The following PIK3CB variants were observed in gnomAD, a reference collection of about 807,000 sequenced individuals.
PIK3CB encodes phosphatidylinositol-4,5-bisphosphate 3-kinase catalytic subunit beta, also known as phosphatidylinositol 4,5-bisphosphate 3-kinase catalytic subunit beta isoform.
Under a neutral mutation model 136.8 loss-of-function variants are expected in PIK3CB, and 39 were observed. That is an observed-to-expected ratio of 0.29 (90% CI 0.22 to 0.37). PIK3CB has a LOEUF of 0.37. Ranked by LOEUF, PIK3CB falls within the 10% of genes least tolerant of loss-of-function variation. The probability of loss-of-function intolerance (pLI) is 1.00; values close to 1 mark genes in which losing one functional copy is unlikely to be tolerated. For synonymous variants in PIK3CB, 428 were observed against 436.6 expected (o/e 0.98, Z 0.25); for missense variants, 868 against 1,275.4 (o/e 0.68, Z 4.87).
chr3:138,661,745 G>A (rs1422136621), intron 21 of PIK3CB, among the ~76,000 whole-genome samples: 2 of 152,116 alleles, frequency 1.3e-5, no homozygotes, highest in Admixed American at 6.5e-5. Flanking sequence ...GATTTCCAAG[G>A]AGATACAAAA....
intron 1 of PIK3CB, among the ~76,000 whole-genome samples, chr3:138,816,911 T>C (rs766054946): frequency 3.3e-5 from 5 of 152,018 alleles, no homozygotes; most frequent in African/African-American, 4.8e-5. Context: ...CTTAAAAGTA[T>C]AGTAATTGGC....
chr3:138,675,145 CAG>C (rs746810517), intron 19 of PIK3CB, among the ~76,000 whole-genome samples: 1 of 149,516 alleles, frequency 6.7e-6, no homozygotes, highest in Non-Finnish European at 1.5e-5. Flanking sequence ...ATGAATCAAA[CAG>C]AAATTCCAGA....
chr3:138,803,181 T>C (rs1185242554), intron 1 of PIK3CB, among the ~76,000 whole-genome samples: 1 of 152,118 alleles, frequency 6.6e-6, no homozygotes, highest in Non-Finnish European at 1.5e-5. Context: ...ATAAAAAGTA[T>C]CCACCTCTGC....
chr3:138,677,827 G>A (rs1334983929), intron 19 of PIK3CB, among the ~76,000 whole-genome samples: 4 of 152,044 alleles, frequency 2.6e-5, no homozygotes, highest in Admixed American at 6.6e-5. Flanking sequence ...CCTGGGAGGC[G>A]GAGGTTGCAG....
chr3:138,705,402 A>G (rs2044359928), intron 11 of PIK3CB, among the ~76,000 whole-genome samples: 2 of 151,966 alleles, frequency 1.3e-5, no homozygotes, highest in Non-Finnish European at 1.5e-5. Flanking sequence ...GACACTACAT[A>G]AACGTATTGG....
chr3:138,661,145 T>G (rs1273590939), intron 21 of PIK3CB, among the ~76,000 whole-genome samples: 2 of 152,220 alleles, frequency 1.3e-5, no homozygotes, highest in Non-Finnish European at 2.9e-5. Context: ...CCATCTCCAT[T>G]TTTAATATGG....
chr3:138,690,943 CT>C, intron 15 of PIK3CB, 56 bp downstream of exon 15: 3 of 1,332,072 alleles, frequency 2.3e-6, no homozygotes, highest in Non-Finnish European at 3.1e-6. Flanking sequence ...ATATATTATG[CT>C]TGTTTATAGT....
At chr3:138,828,175 T>C (rs1301159518) in intron 1 of PIK3CB, among the ~76,000 whole-genome samples, 3 of 151,222 alleles carry the variant, frequency 2.0e-5, no homozygotes, top group Non-Finnish European at 4.4e-5. Context: ...TCAACAGTAA[T>C]TAAATTTCCT....
intron 4 of PIK3CB, among the ~76,000 whole-genome samples, chr3:138,747,188 G>A (rs181097215): frequency 4.8e-4 from 69 of 144,418 alleles, no homozygotes; most frequent in African/African-American, 1.6e-3. Context: ...GCCTCAGCCT[G>A]TGCACCCAGC....
In PIK3CB at chr3:138,803,295, G is replaced by A. The variant is rs1453302034; in HGVS notation, c.-121-6728C>T. Among the ~76,000 whole-genome samples, 3 of 152,236 alleles carry A rather than the reference G, an allele frequency of 2.0e-5. No homozygotes were observed. The East Asian group carries it at 5.8e-4, about 29-fold the overall frequency. ...GATGACTAAGAAAGAACATAAATAAGTATTCTCACCTTATGAAACTTATGT... is the reference window on the plus strand; with the variant it reads ...GATGACTAAGAAAGAACATAAATAAATATTCTCACCTTATGAAACTTATGT... On this transcript the variant is annotated intron_variant, in intron 1 of 23. Transcript: ENST00000674063.
At chr3:138,659,863 CTTCT>C (rs904332598) in intron 21 of PIK3CB, among the ~76,000 whole-genome samples, 1 of 128,358 alleles carries the variant, frequency 7.8e-6, no homozygotes, top group African/African-American at 3.1e-5. Context: ...CTTCTTTCCT[CTTCT>C]TTTTTTTTTT....
intron 2 of PIK3CB, among the ~76,000 whole-genome samples, chr3:138,788,976 A>C (rs2046016062): frequency 2.1e-5 from 3 of 141,070 alleles, no homozygotes; most frequent in South Asian, 2.1e-4. Flanking sequence ...AAAAAAAAAA[A>C]AAAAAAAAAA....
chr3:138,682,601 C>G (rs1240292047), intron 18 of PIK3CB, among the ~76,000 whole-genome samples: 4 of 152,172 alleles, frequency 2.6e-5, no homozygotes, highest in African/African-American at 9.7e-5. Context: ...TAAGTAACTG[C>G]ATCACGAGGT....
intron 2 of PIK3CB, among the ~76,000 whole-genome samples, chr3:138,770,775 A>T (rs1391002517): frequency 1.3e-5 from 2 of 151,934 alleles, no homozygotes; most frequent in East Asian, 3.9e-4. Context: ...GCAGTGGTGC[A>T]ATCTCGGCTC....
At chr3:138,752,379 G>A (rs1273591420) in intron 4 of PIK3CB, among the ~76,000 whole-genome samples, 1 of 152,152 alleles carries the variant, frequency 6.6e-6, no homozygotes, top group Non-Finnish European at 1.5e-5. Context: ...TTTTTTCCCA[G>A]GAGGCATGGC....
rs768326612 is a variant in PIK3CB at position 138,689,017 on chromosome 3, A to G, written c.2037-43T>C. 4.4e-6 allele frequency: 5 copies of G among 1,133,632 alleles called. No homozygotes were observed. The African/African-American group carries it at 7.7e-5, about 17-fold the overall frequency. 70.2% of individuals were successfully genotyped at this position (1,133,632 alleles called of 1,614,324 possible). ...TATCTGAACAGTTTGTTTATCAAAC[A>G]CTTCAGATCACCGAATAAATACTGA... On this transcript the variant is annotated intron_variant, in intron 15 of 23. Coordinates refer to ENST00000674063, the MANE Select transcript of PIK3CB (RefSeq NM_006219.3).
At chr3:138,682,744 T>C (rs2043807579) in intron 18 of PIK3CB, among the ~76,000 whole-genome samples, 1 of 152,244 alleles carries the variant, frequency 6.6e-6, no homozygotes, top group South Asian at 2.1e-4. Flanking sequence ...CAAAACCCTA[T>C]GAGTTCTTTT....
chr3:138,699,140 C>T (rs2044196202), intron 12 of PIK3CB, 45 bp from the exon 13 acceptor site: 3 of 881,514 alleles, frequency 3.4e-6, no homozygotes, highest in Admixed American at 2.8e-5. Context: ...TGTGCAAACA[C>T]CACAGCGAAC....
At chr3:138,671,124 G>A (rs2043523624) in intron 19 of PIK3CB, among the ~76,000 whole-genome samples, 1 of 152,060 alleles carries the variant, frequency 6.6e-6, no homozygotes, top group Admixed American at 6.5e-5. Context: ...ATTTAGCTCT[G>A]CCATTTAATA....
Sources: gnomAD v4.1 joint callset for allele counts (sites outside exome capture counted in the v4.1 genomes callset) on GRCh38, gnomAD v4.1.1 for gene constraint, MANE v1.5 for transcripts, NCBI Gene and HGNC (gene_info 2026-07-23, HGNC 2026-07-21) for gene names.